CTNND2: variants seen among roughly 807,000 people sequenced by gnomAD.
CTNND2 encodes catenin delta-2.
CTNND2 carries 22 observed loss-of-function variants against 144.4 expected under a neutral mutation model. That is an observed-to-expected ratio of 0.15 (90% CI 0.11 to 0.22). The LOEUF is 0.22. CTNND2 is among the 10% of genes least tolerant of loss of function. CTNND2 has a pLI of 1.00. For synonymous variants in CTNND2, 751 were observed against 695.6 expected (o/e 1.08, Z -1.25); for missense variants, 1,353 against 1,618.8 (o/e 0.84, Z 2.82).
chr5:11,596,984 C>T (rs1779538751), intron 2 of CTNND2, among the ~76,000 whole-genome samples: 1 of 152,068 alleles, frequency 6.6e-6, no homozygotes, highest in Admixed American at 6.6e-5. Context: ...GTTCTTTGTA[C>T]TATGGTGAGG....
intron 1 of CTNND2, among the ~76,000 whole-genome samples, chr5:11,758,995 C>A (rs189557610): frequency 1.3e-5 from 2 of 151,852 alleles, no homozygotes; most frequent in Admixed American, 1.3e-4. Flanking sequence ...TATAAGTGCT[C>A]AAAAATATTA....
intron 21 of CTNND2, among the ~76,000 whole-genome samples, chr5:10,975,690 T>G (rs950863114): frequency 1.1e-4 from 17 of 152,216 alleles, no homozygotes; most frequent in African/African-American, 4.1e-4. Flanking sequence ...GAGCTGACTC[T>G]AGGCTCTAAG....
intron 3 of CTNND2, among the ~76,000 whole-genome samples, chr5:11,513,866 G>A (rs932813369): frequency 4.9e-4 from 74 of 152,178 alleles, no homozygotes; most frequent in Admixed American, 4.8e-3. Flanking sequence ...ACAAGTATTT[G>A]TATAATAATA....
At chr5:11,094,667 A>T (rs997853934) in intron 15 of CTNND2, among the ~76,000 whole-genome samples, 1 of 151,958 alleles carries the variant, frequency 6.6e-6, no homozygotes, top group African/African-American at 2.4e-5. Flanking sequence ...TTTAATAGAG[A>T]CAGGGCCAGG....
intron 14 of CTNND2, among the ~76,000 whole-genome samples, chr5:11,102,970 A>ATTTTTTTTTTTTTTTTTTTTTTTT (rs778134907): frequency 2.4e-5 from 2 of 84,080 alleles, no homozygotes; most frequent in African/African-American, 5.2e-5. Flanking sequence ...TATTTAAAAG[A>ATTTTTTTTTTTTTTTTTTTTTTTT]TTTTTTTTTT....
chr5:11,802,473 A>G (rs928964132), intron 1 of CTNND2, among the ~76,000 whole-genome samples: 4 of 150,930 alleles, frequency 2.7e-5, no homozygotes, highest in African/African-American at 9.7e-5. Flanking sequence ...AGGTTGAGGC[A>G]GGAGAATTGC....
intron 9 of CTNND2, among the ~76,000 whole-genome samples, chr5:11,296,967 AAAACTT>A (rs1749090060): frequency 6.6e-6 from 1 of 152,250 alleles, no homozygotes. Flanking sequence ...CATGTACCCT[AAAACTT>A]AAAGTATAAT....
chr5:11,242,353 C>A (rs906312217), intron 9 of CTNND2, among the ~76,000 whole-genome samples: 6 of 152,116 alleles, frequency 3.9e-5, no homozygotes, highest in Admixed American at 3.9e-4. Flanking sequence ...GAATAAAATT[C>A]TAGTTGTCTC....
At chr5:11,817,578 G>C (rs867925128) in intron 1 of CTNND2, among the ~76,000 whole-genome samples, 6 of 151,996 alleles carry the variant, frequency 3.9e-5, no homozygotes, top group Non-Finnish European at 7.4e-5. Flanking sequence ...GGGGGGAAGC[G>C]GAGGGGACAG....
At chr5:11,405,979 T>C (rs889431112) in intron 5 of CTNND2, among the ~76,000 whole-genome samples, 2 of 151,996 alleles carry the variant, frequency 1.3e-5, no homozygotes, top group Non-Finnish European at 2.9e-5. Context: ...TGAAACCCCG[T>C]CTCTACTAAA....
intron 9 of CTNND2, among the ~76,000 whole-genome samples, chr5:11,326,562 T>C (rs968720638): frequency 2.0e-5 from 3 of 152,146 alleles, no homozygotes; most frequent in Admixed American, 2.0e-4. Flanking sequence ...TGTGAAACCA[T>C]CCTGAACAGA....
intron 2 of CTNND2, among the ~76,000 whole-genome samples, chr5:11,622,165 T>C (rs957768008): frequency 2.6e-5 from 4 of 152,116 alleles, no homozygotes; most frequent in Non-Finnish European, 5.9e-5. Flanking sequence ...CCAACATAAA[T>C]TTCTGGTAAA....
chr5:11,819,154 T>C (rs1793176620), intron 1 of CTNND2, among the ~76,000 whole-genome samples: 1 of 151,898 alleles, frequency 6.6e-6, no homozygotes. Context: ...CCAAAGGAGG[T>C]ATATGGAATT....
At chr5:11,885,018 T>A (rs146554951) in intron 1 of CTNND2, among the ~76,000 whole-genome samples, 1 of 152,182 alleles carries the variant, frequency 6.6e-6, no homozygotes, top group African/African-American at 2.4e-5. Flanking sequence ...CACTTGATCA[T>A]GGCGTATAAA....
intron 16 of CTNND2, among the ~76,000 whole-genome samples, chr5:11,053,182 G>A (rs998478278): frequency 3.9e-5 from 6 of 152,290 alleles, no homozygotes; most frequent in East Asian, 1.9e-4. Flanking sequence ...AACTAAAGGT[G>A]CTTTTCTCTT....
intron 9 of CTNND2, among the ~76,000 whole-genome samples, chr5:11,307,794 T>A (rs1233048673): frequency 6.6e-6 from 1 of 152,242 alleles, no homozygotes; most frequent in Non-Finnish European, 1.5e-5. Flanking sequence ...AGTTACTGCA[T>A]AATTATTGAT....
rs36031475 is a variant in CTNND2 at position 10,986,610 on chromosome 5, A to AGG, written c.3343+1499_3343+1500dup. 57 of 455,198 alleles carry AGG rather than the reference A, an allele frequency of 1.3e-4. 1 individual carries two copies. Among genetic ancestry groups the AGG allele is most frequent in the Admixed American group, 6.6e-4 (28 of 42,440 alleles). 28.2% of individuals were successfully genotyped at this position (455,198 alleles called of 1,614,324 possible). ...CTGTTCATCTACGCGGCAACATGTA[A>AGG]GGGGAAACAGTGAATGTGAATAGTA... On this transcript the variant is annotated intron_variant, in intron 20 of 21. Transcript: ENST00000304623.
At chr5:11,066,385 C>T (rs1421407273) in intron 16 of CTNND2, among the ~76,000 whole-genome samples, 2 of 152,200 alleles carry the variant, frequency 1.3e-5, no homozygotes, top group East Asian at 3.9e-4. Context: ...CTATTGATCC[C>T]AGGCCTTTAG....
intron 18 of CTNND2, among the ~76,000 whole-genome samples, chr5:10,997,009 G>A (rs1208450407): frequency 6.6e-6 from 1 of 152,122 alleles, no homozygotes; most frequent in East Asian, 1.9e-4. Flanking sequence ...TGATCGAGGG[G>A]TCCAAGTAAT....
Sources: allele counts gnomAD v4.1 joint callset (sites outside exome capture counted in the v4.1 genomes callset), GRCh38; gene constraint gnomAD v4.1.1; transcripts MANE v1.5; gene names NCBI Gene and HGNC (gene_info 2026-07-23, HGNC 2026-07-21).